DAAM1: variants seen among roughly 807,000 people sequenced by gnomAD.
The protein encoded by DAAM1 is disheveled-associated activator of morphogenesis 1.
Under a neutral mutation model 130.0 loss-of-function variants are expected in DAAM1, and 52 were observed. The observed-to-expected ratio is 0.40, with a 90% CI of 0.32 to 0.50. DAAM1 has a LOEUF of 0.50. Among genes scored for constraint, DAAM1 ranks in the 20% least tolerant of loss-of-function variants. DAAM1 has a pLI of 0.61. For missense variants in DAAM1, 1,134 were observed against 1,303.8 expected, an observed-to-expected ratio of 0.87 and a Z score of 2.01; for synonymous variants, 452 against 444.5, an observed-to-expected ratio of 1.02 and a Z score of -0.21.
chr14:59,263,283 A>C (rs1426413571), intron 1 of DAAM1, among the ~76,000 whole-genome samples, 158 bp from the exon 2 acceptor site: 2 of 152,210 alleles, frequency 1.3e-5, no homozygotes, highest in African/African-American at 4.8e-5. Flanking sequence ...TCTCTGTCCA[A>C]GTGGACTCCA....
chr14:59,202,242 G>A (rs915758601), intron 1 of DAAM1, among the ~76,000 whole-genome samples: 3 of 152,142 alleles, frequency 2.0e-5, no homozygotes, highest in African/African-American at 7.2e-5. Context: ...GGGCAGGTCC[G>A]TTTCAAGTTT....
At chr14:59,207,263 G>A (rs1594757106) in intron 1 of DAAM1, among the ~76,000 whole-genome samples, 3 of 152,134 alleles carry the variant, frequency 2.0e-5, no homozygotes, top group South Asian at 4.1e-4. Context: ...GGCATGTAAG[G>A]CAATTATATC....
At chr14:59,199,039 G>C (rs1228703280) in intron 1 of DAAM1, among the ~76,000 whole-genome samples, 2 of 152,186 alleles carry the variant, frequency 1.3e-5, no homozygotes, top group African/African-American at 4.8e-5. Context: ...CCCTAAAATG[G>C]AGATCGGTGA....
At chr14:59,361,518 G>C (rs1045586276) in intron 22 of DAAM1, among the ~76,000 whole-genome samples, 1 of 152,192 alleles carries the variant, frequency 6.6e-6, no homozygotes. Flanking sequence ...GAAGTTGTTT[G>C]AGCTATGGCT....
intron 15 of DAAM1, chr14:59,338,417 A>G (rs1395075391): frequency 6.2e-7 from 1 of 1,613,672 alleles, no homozygotes; most frequent in Admixed American, 1.7e-5. Context: ...CCAAGCAGGT[A>G]AGTGAGCTAC....
At chr14:59,198,146 T>A (rs117794951) in intron 1 of DAAM1, among the ~76,000 whole-genome samples, 6 of 152,134 alleles carry the variant, frequency 3.9e-5, no homozygotes, top group South Asian at 2.1e-4. Flanking sequence ...GACATTCACA[T>A]TGGGGCTTCC....
At chr14:59,191,352 C>T (rs760036720) in intron 1 of DAAM1, among the ~76,000 whole-genome samples, 1 of 151,958 alleles carries the variant, frequency 6.6e-6, no homozygotes, top group Non-Finnish European at 1.5e-5. Flanking sequence ...ATTATAAGCT[C>T]CTTGAGGGCA....
intron 1 of DAAM1, among the ~76,000 whole-genome samples, chr14:59,241,389 G>A (rs906125596): frequency 2.0e-5 from 3 of 152,144 alleles, no homozygotes; most frequent in Admixed American, 6.5e-5. Context: ...ACCTCTTTCC[G>A]AATTAAGTAG....
At chr14:59,285,662 C>A (rs894074323) in intron 2 of DAAM1, among the ~76,000 whole-genome samples, 3 of 152,052 alleles carry the variant, frequency 2.0e-5, no homozygotes, top group African/African-American at 7.2e-5. Flanking sequence ...CAACAATGAT[C>A]AAAAAGGACA....
intron 1 of DAAM1, among the ~76,000 whole-genome samples, chr14:59,192,680 T>A (rs952376472): frequency 1.3e-5 from 2 of 152,254 alleles, no homozygotes; most frequent in Admixed American, 1.3e-4. Flanking sequence ...TATTACAATT[T>A]CTAACTTGGT....
chr14:59,262,204 A>C (rs555185006), intron 1 of DAAM1, among the ~76,000 whole-genome samples: 1 of 152,214 alleles, frequency 6.6e-6, no homozygotes, highest in African/African-American at 2.4e-5. Flanking sequence ...CTCAGAAGAG[A>C]GGAATTAGGG....
intron 1 of DAAM1, among the ~76,000 whole-genome samples, chr14:59,235,129 T>G (rs1889251056): frequency 6.6e-6 from 1 of 152,074 alleles, no homozygotes; most frequent in Non-Finnish European, 1.5e-5. Flanking sequence ...CTTTGCCAGG[T>G]TTTGGTATCA....
At position 59,323,093 on chromosome 14, in the gene DAAM1, A is replaced by G. The variant is rs770457227; in HGVS notation, c.642A>G (p.Thr214=). The change falls in exon 6 of 25, where the codon ACA becomes ACG. Residue 214 remains threonine, a synonymous_variant. Coordinates refer to ENST00000360909, the MANE Select transcript of DAAM1 (RefSeq NM_001270520.2). ...SINVIAQSLS[T]ENIKTKVAVL... ...ATGTAATTGCTCAGAGTCTGAGCAC[A>G]GAGAACATTAAAACGAAGGTGGCCG... 1.9e-6 allele frequency: 3 copies of G among 1,613,800 alleles called. No homozygotes were observed. Among genetic ancestry groups the G allele is most frequent in the Non-Finnish European group, 2.5e-6 (3 of 1,179,834 alleles).
chr14:59,210,423 A>G (rs986002455), intron 1 of DAAM1, among the ~76,000 whole-genome samples: 6 of 152,218 alleles, frequency 3.9e-5, no homozygotes, highest in African/African-American at 9.6e-5. Flanking sequence ...TTAAATCTCA[A>G]TGTTTTTGAA....
At chr14:59,339,528 C>T (rs1198002786) in intron 15 of DAAM1, among the ~76,000 whole-genome samples, 1 of 152,198 alleles carries the variant, frequency 6.6e-6, no homozygotes, top group Non-Finnish European at 1.5e-5. Context: ...CAAACTGCCC[C>T]TTCCCATTGT....
At chr14:59,339,945 A>G (rs1885779032) in intron 15 of DAAM1, 129 bp from the exon 16 acceptor site, 3 of 611,960 alleles carry the variant, frequency 4.9e-6, no homozygotes, top group Admixed American at 2.9e-5. Context: ...ACTTCCCACC[A>G]TTTCAGCCTT....
intron 1 of DAAM1, among the ~76,000 whole-genome samples, chr14:59,237,528 G>A (rs1889341020): frequency 6.6e-6 from 1 of 152,158 alleles, no homozygotes. Flanking sequence ...GAAGTGATCT[G>A]ACCTCATAGA....
chr14:59,339,194 C>A (rs1885750066), intron 15 of DAAM1, among the ~76,000 whole-genome samples: 1 of 152,176 alleles, frequency 6.6e-6, no homozygotes, highest in South Asian at 2.1e-4. Flanking sequence ...AGCTAAGATT[C>A]TTTATCTTTG....
At chr14:59,235,105 T>C (rs1156384256) in intron 1 of DAAM1, among the ~76,000 whole-genome samples, 1 of 152,178 alleles carries the variant, frequency 6.6e-6, no homozygotes, top group Non-Finnish European at 1.5e-5. Context: ...TGAAGTTTTC[T>C]TTTTTTGTTG....
Sources: allele counts gnomAD v4.1 joint callset (sites outside exome capture counted in the v4.1 genomes callset), GRCh38; gene constraint gnomAD v4.1.1; transcripts MANE v1.5; gene names NCBI Gene and HGNC (gene_info 2026-07-23, HGNC 2026-07-21).